The following CORO2A variants were observed in gnomAD, a reference collection of about 807,000 sequenced individuals.
The protein encoded by CORO2A is coronin 2A.
A neutral mutation model predicts 62.4 loss-of-function variants in CORO2A; 47 were observed. That is an observed-to-expected ratio of 0.75 (90% confidence interval 0.60 to 0.96). The LOEUF (loss-of-function observed/expected upper bound fraction) is 0.96, where lower values mean the gene tolerates loss of function less well. CORO2A is among the 40% of genes least tolerant of loss of function. The pLI is 0.00. For synonymous variants in CORO2A, 273 were observed against 268.9 expected (o/e 1.02, Z -0.15); for missense variants, 610 against 684.1 (o/e 0.89, Z 1.21).
intron 3 of CORO2A, among the ~76,000 whole-genome samples, chr9:98,137,362 C>A (rs1827500592): frequency 6.6e-6 from 1 of 152,150 alleles, no homozygotes; most frequent in South Asian, 2.1e-4. Flanking sequence ...TGGGGGGGAA[C>A]TAAGGCCCAT....
At chr9:98,162,135 A>G (rs1827894948) in intron 1 of CORO2A, among the ~76,000 whole-genome samples, 1 of 152,198 alleles carries the variant, frequency 6.6e-6, no homozygotes, top group Non-Finnish European at 1.5e-5. Flanking sequence ...CAGGCCAGTA[A>G]CCGGGTCACA....
chr9:98,134,558 GAGA>G (rs1490531488), intron 4 of CORO2A, among the ~76,000 whole-genome samples: 1 of 152,190 alleles, frequency 6.6e-6, no homozygotes, highest in Non-Finnish European at 1.5e-5. Context: ...GGTACACAGA[GAGA>G]AGGCCGTGTG....
chr9:98,152,353 G>A (rs914774338), intron 2 of CORO2A, among the ~76,000 whole-genome samples: 3 of 151,972 alleles, frequency 2.0e-5, no homozygotes, highest in Non-Finnish European at 2.9e-5. Context: ...GCAGTGGCAC[G>A]TTCATGGCTC....
chr9:98,153,720 T>C (rs1827761933), intron 2 of CORO2A, among the ~76,000 whole-genome samples: 1 of 146,352 alleles, frequency 6.8e-6, no homozygotes, highest in Non-Finnish European at 1.5e-5. Context: ...AGAGGCAAAA[T>C]GTTAAAACCG....
At chr9:98,175,255 T>G (rs1262137236) in intron 1 of CORO2A, among the ~76,000 whole-genome samples, 1 of 151,956 alleles carries the variant, frequency 6.6e-6, no homozygotes, top group Non-Finnish European at 1.5e-5. Context: ...TGGGGAGGCC[T>G]TGCTATTTCC....
At chr9:98,184,941 C>G (rs1221007800) in intron 1 of CORO2A, among the ~76,000 whole-genome samples, 1 of 152,200 alleles carries the variant, frequency 6.6e-6, no homozygotes, top group Non-Finnish European at 1.5e-5. Flanking sequence ...CATAAAGCGC[C>G]TCCTTACTTT....
At chr9:98,190,451 T>A (rs1201170576) in intron 1 of CORO2A, among the ~76,000 whole-genome samples, 2 of 152,208 alleles carry the variant, frequency 1.3e-5, no homozygotes, top group African/African-American at 2.4e-5. Context: ...ATATGTTATG[T>A]GTTTTTTTGG....
At chr9:98,187,206 C>G (rs1003755123) in intron 1 of CORO2A, among the ~76,000 whole-genome samples, 1 of 150,256 alleles carries the variant, frequency 6.7e-6, no homozygotes, top group Admixed American at 6.7e-5. Flanking sequence ...TAGCATGAAC[C>G]CGGGAGGTGG....
chr9:98,189,182 G>C (rs1828275417), intron 1 of CORO2A, among the ~76,000 whole-genome samples: 1 of 152,174 alleles, frequency 6.6e-6, no homozygotes, highest in Non-Finnish European at 1.5e-5. Flanking sequence ...GTTTCATGTG[G>C]TTTAACCTAG....
intron 1 of CORO2A, among the ~76,000 whole-genome samples, chr9:98,186,282 G>T (rs949034194): frequency 1.1e-4 from 16 of 152,068 alleles, no homozygotes; most frequent in Non-Finnish European, 1.9e-4. Context: ...GGTGGCTGGC[G>T]GGGGGAGGGG....
At chr9:98,169,204 G>A (rs1236228561) in intron 1 of CORO2A, among the ~76,000 whole-genome samples, 3 of 151,782 alleles carry the variant, frequency 2.0e-5, no homozygotes, top group South Asian at 2.1e-4. Context: ...CGCCTTCCCC[G>A]CCCCCGCGCC....
intron 2 of CORO2A, among the ~76,000 whole-genome samples, chr9:98,138,749 T>C (rs967347643): frequency 1.3e-5 from 2 of 152,036 alleles, no homozygotes; most frequent in African/African-American, 2.4e-5. Flanking sequence ...AAGTAATGCA[T>C]ATGAAAAATG....
At chr9:98,187,631 G>C (rs1161618892) in intron 1 of CORO2A, among the ~76,000 whole-genome samples, 1 of 152,130 alleles carries the variant, frequency 6.6e-6, no homozygotes, top group Non-Finnish European at 1.5e-5. Context: ...TGGAGGAGGT[G>C]AGGGTCTCTC....
chr9:98,181,334 C>CT (rs575456152), intron 1 of CORO2A, among the ~76,000 whole-genome samples: 13,164 of 112,162 alleles, frequency 0.12, 1,313 homozygotes, highest in African/African-American at 0.2. Context: ...CTCTCTCTTG[C>CT]TTTTTTTTTT....
chr9:98,131,330 C>CTTTT (rs60302015), intron 6 of CORO2A, among the ~76,000 whole-genome samples: 11 of 145,408 alleles, frequency 7.6e-5, no homozygotes, highest in Non-Finnish European at 1.7e-4. Context: ...TAACAAATCA[C>CTTTT]TTTTTTTTTT....
intron 2 of CORO2A, among the ~76,000 whole-genome samples, chr9:98,143,658 A>T (rs1331337195): frequency 6.6e-6 from 1 of 152,208 alleles, no homozygotes; most frequent in Non-Finnish European, 1.5e-5. Flanking sequence ...AGTACTCAGT[A>T]CATTAGCCAG....
In CORO2A at chr9:98,128,702, C is replaced by T; in HGVS notation, c.985G>A (p.Gly329Arg). Residue 329 changes from glycine (G) to arginine (R), a missense_variant, in exon 9 of 12, where the codon GGA becomes AGA. Transcript: ENST00000375077. ...QKGIGVMPKR[G>R]LDVSSCEIFR... Reference sequence around the variant, plus strand: ...ATCTCGCAGGAGGACACGTCGAGTCCTCTCTTTGGCATGACACCTGAAGGC... The same window carrying T: ...ATCTCGCAGGAGGACACGTCGAGTCTTCTCTTTGGCATGACACCTGAAGGC... The T allele has an allele frequency of 6.2e-7, 1 of 1,614,122 alleles. No individual in the cohort carries two copies. Among genetic ancestry groups the T allele is most frequent in the South Asian group, 1.1e-5 (1 of 91,078 alleles).
At chr9:98,139,727 T>G (rs188133372) in intron 2 of CORO2A, among the ~76,000 whole-genome samples, 1 of 152,090 alleles carries the variant, frequency 6.6e-6, no homozygotes, top group Non-Finnish European at 1.5e-5. Flanking sequence ...GCCTGGGAGG[T>G]CGAGGCTGCA....
chr9:98,138,364 T>C (rs1255054044), intron 2 of CORO2A, among the ~76,000 whole-genome samples: 5 of 151,608 alleles, frequency 3.3e-5, no homozygotes, highest in Non-Finnish European at 7.4e-5. Context: ...TGAGCTCTGA[T>C]TGCGCCATTG....
Sources: allele counts gnomAD v4.1 joint callset (sites outside exome capture counted in the v4.1 genomes callset), GRCh38; gene constraint gnomAD v4.1.1; transcripts MANE v1.5; gene names NCBI Gene and HGNC (gene_info 2026-07-23, HGNC 2026-07-21).